Variants in RALYL observed in about 807,000 individuals in gnomAD.
The protein encoded by RALYL is RNA-binding Raly-like protein.
RALYL carries 29 observed loss-of-function variants against 35.1 expected under a neutral mutation model. The ratio of observed to expected loss-of-function variants is 0.83; its 90% CI spans 0.61 to 1.13. The LOEUF is 1.13. Among genes scored for constraint, RALYL ranks in the 50% most tolerant of loss-of-function variants. The pLI is 0.00. For synonymous variants in RALYL, 120 were observed against 127.6 expected, an observed-to-expected ratio of 0.94 and a Z score of 0.40; for missense variants, 359 against 360.4, an observed-to-expected ratio of 1.00 and a Z score of 0.03.
intron 1 of RALYL, among the ~76,000 whole-genome samples, chr8:84,463,788 C>T (rs2051117833): frequency 1.3e-5 from 2 of 152,110 alleles, no homozygotes; most frequent in South Asian, 4.1e-4. Context: ...CTTAAAAAAT[C>T]ACCCTTTTTA....
chr8:84,707,290 A>G (rs1476182827), intron 2 of RALYL, among the ~76,000 whole-genome samples: 1 of 152,186 alleles, frequency 6.6e-6, no homozygotes, highest in Non-Finnish European at 1.5e-5. Flanking sequence ...TCAGGTAAAA[A>G]TGATTGGTGT....
chr8:84,887,860 A>AC, intron 8 of RALYL, 84 bp downstream of exon 8: 2 of 1,278,912 alleles, frequency 1.6e-6, no homozygotes, highest in Non-Finnish European at 2.2e-6. Context: ...AATAAGGATT[A>AC]AATCATTTGG....
At chr8:84,348,686 T>C (rs1025338110) in intron 1 of RALYL, among the ~76,000 whole-genome samples, 1 of 152,148 alleles carries the variant, frequency 6.6e-6, no homozygotes, top group Non-Finnish European at 1.5e-5. Context: ...TCAAAAGGTA[T>C]TCAATTTAAA....
chr8:84,347,788 A>C (rs1850115793), intron 1 of RALYL, among the ~76,000 whole-genome samples: 1 of 152,140 alleles, frequency 6.6e-6, no homozygotes, highest in African/African-American at 2.4e-5. Context: ...CAGGATTAGC[A>C]TCAGCAGCTT....
intron 1 of RALYL, among the ~76,000 whole-genome samples, chr8:84,470,645 G>T (rs1334997231): frequency 2.0e-5 from 3 of 152,142 alleles, no homozygotes; most frequent in Non-Finnish European, 4.4e-5. Flanking sequence ...TGTGAATGCT[G>T]CTTATTTTCC....
intron 2 of RALYL, among the ~76,000 whole-genome samples, chr8:84,748,536 T>C (rs1201820075): frequency 6.6e-6 from 1 of 152,066 alleles, no homozygotes; most frequent in Non-Finnish European, 1.5e-5. Context: ...CAAAGGAAGC[T>C]ATATATTGTC....
intron 2 of RALYL, among the ~76,000 whole-genome samples, chr8:84,680,554 G>T (rs1434358470): frequency 6.6e-6 from 1 of 152,184 alleles, no homozygotes; most frequent in East Asian, 1.9e-4. Flanking sequence ...ACTGGTGTGA[G>T]ATGGTATCTC....
intron 2 of RALYL, among the ~76,000 whole-genome samples, chr8:84,659,120 C>T (rs1830447338): frequency 1.3e-5 from 2 of 152,084 alleles, no homozygotes; most frequent in Non-Finnish European, 2.9e-5. Flanking sequence ...GCTAGTTAGA[C>T]TAAAACAGCA....
At chr8:84,423,071 G>A (rs1413975352) in intron 1 of RALYL, among the ~76,000 whole-genome samples, 1 of 144,080 alleles carries the variant, frequency 6.9e-6, no homozygotes, top group Non-Finnish European at 1.5e-5. Context: ...AGGTCTGCTT[G>A]GTGCAGAGCT....
chr8:84,907,607 A>C (rs1846751010), intron 8 of RALYL, among the ~76,000 whole-genome samples: 1 of 152,090 alleles, frequency 6.6e-6, no homozygotes, highest in East Asian at 1.9e-4. Flanking sequence ...GTAAGATTCT[A>C]ACACCCTTAG....
chr8:84,703,419 G>A (rs1383768795), intron 2 of RALYL, among the ~76,000 whole-genome samples: 2 of 152,116 alleles, frequency 1.3e-5, no homozygotes, highest in Non-Finnish European at 2.9e-5. Context: ...AAGTCTGGCT[G>A]TTTGTTTTAG....
At chr8:84,444,914 CTTAGA>C (rs1265455992) in intron 1 of RALYL, among the ~76,000 whole-genome samples, 3 of 151,956 alleles carry the variant, frequency 2.0e-5, no homozygotes, top group East Asian at 1.9e-4. Context: ...CTTTTGAGAA[CTTAGA>C]TTAGAAAGAA....
chr8:84,842,384 C>G (rs1341698402), intron 4 of RALYL, among the ~76,000 whole-genome samples: 1 of 152,180 alleles, frequency 6.6e-6, no homozygotes, highest in Non-Finnish European at 1.5e-5. Flanking sequence ...CGGATAAATT[C>G]CTCGACACAT....
At chr8:84,659,291 C>G (rs1830482950) in intron 2 of RALYL, among the ~76,000 whole-genome samples, 1 of 146,032 alleles carries the variant, frequency 6.8e-6, no homozygotes, top group Non-Finnish European at 1.5e-5. Context: ...GCATCAACAC[C>G]TTAAGCTGTT....
chr8:84,712,876 T>C (rs1159844433), intron 2 of RALYL, among the ~76,000 whole-genome samples: 2 of 152,158 alleles, frequency 1.3e-5, no homozygotes, highest in Non-Finnish European at 2.9e-5. Context: ...TAACATACTG[T>C]CATGTGGTTT....
intron 2 of RALYL, among the ~76,000 whole-genome samples, chr8:84,532,078 A>T (rs954088106): frequency 1.3e-5 from 2 of 152,060 alleles, no homozygotes; most frequent in Non-Finnish European, 2.9e-5. Context: ...GCCTGAAACC[A>T]AGTCTTAGAC....
intron 2 of RALYL, among the ~76,000 whole-genome samples, chr8:84,533,615 A>C (rs2059410791): frequency 6.6e-6 from 1 of 152,198 alleles, no homozygotes; most frequent in South Asian, 2.1e-4. Flanking sequence ...TAGAGCAATC[A>C]TTTTTGTTCT....
intron 2 of RALYL, among the ~76,000 whole-genome samples, chr8:84,594,246 T>G (rs190731470): frequency 5.3e-5 from 8 of 152,208 alleles, no homozygotes; most frequent in African/African-American, 1.9e-4. Flanking sequence ...AGTTCACTTT[T>G]AGGAAATAAA....
chr8:84,782,271 G>A (rs894919500), intron 3 of RALYL, among the ~76,000 whole-genome samples: 5 of 152,150 alleles, frequency 3.3e-5, no homozygotes, highest in Admixed American at 6.6e-5. Context: ...AGATAGAAAG[G>A]AAAAGTGGGC....
Sources: allele counts gnomAD v4.1 joint callset (sites outside exome capture counted in the v4.1 genomes callset), GRCh38; gene constraint gnomAD v4.1.1; transcripts MANE v1.5; gene names NCBI Gene and HGNC (gene_info 2026-07-23, HGNC 2026-07-21).